Variants in COL22A1 observed in about 807,000 individuals in gnomAD.
COL22A1 encodes the protein collagen type XXII alpha 1 chain.
A neutral mutation model predicts 248.9 loss-of-function variants in COL22A1; 221 were observed. The observed-to-expected ratio is 0.89, with a 90% CI of 0.80 to 0.99. The LOEUF (loss-of-function observed/expected upper bound fraction) is 0.99, where lower values mean the gene tolerates loss of function less well. COL22A1 is among the 50% of genes least tolerant of loss of function. The pLI is 0.00. For synonymous variants in COL22A1, 891 were observed against 793.4 expected (o/e 1.12, Z -2.07); for missense variants, 2,240 against 2,179.0 (o/e 1.03, Z -0.56).
At chr8:138,638,045 T>C (rs566858299) in intron 47 of COL22A1, among the ~76,000 whole-genome samples, 4 of 152,052 alleles carry the variant, frequency 2.6e-5, no homozygotes, top group African/African-American at 9.6e-5. Flanking sequence ...ATCCTCATCA[T>C]CATCATTGTC....
rs115499018 is a variant in COL22A1 at position 138,594,192 on chromosome 8, G to A, written c.4440C>T (p.Leu1480=). 2,382 of 1,570,778 alleles carry A rather than the reference G, an allele frequency of 1.5e-3. 33 individuals carry two copies. The African/African-American group carries it at 0.027, about 18-fold the overall frequency. ...EELGKQLETR[L]AYLLAQMPPA... is the part of the protein sequence containing the mutation. Reference sequence around the variant, plus strand: ...GGGGCATCTGGGCCAGGAGGTAGGCGAGTCTGGCTGTAAAGTAGAAAAAGA... The same window carrying A: ...GGGGCATCTGGGCCAGGAGGTAGGCAAGTCTGGCTGTAAAGTAGAAAAAGA... The change falls in exon 63 of 65, where the codon CTC becomes CTT. Residue 1480 remains leucine (L), a synonymous_variant. Coordinates refer to ENST00000303045, the MANE Select transcript of COL22A1 (RefSeq NM_152888.3).
At chr8:138,721,696 C>A (rs917551151) in intron 26 of COL22A1, among the ~76,000 whole-genome samples, 4 of 152,174 alleles carry the variant, frequency 2.6e-5, no homozygotes, top group Admixed American at 2.0e-4. Flanking sequence ...TGGGCTCAAG[C>A]AATCCTCCCA....
In COL22A1 at chr8:138,589,258, G is replaced by T. The variant is rs1372303930; in HGVS notation, c.4876C>A (p.Pro1626Thr). 6.2e-7 allele frequency: 1 copy of T among 1,613,650 alleles called. No homozygotes were observed. The change falls in exon 65 of 65, where the codon CCC becomes ACC. Residue 1626 changes from proline (P) to threonine (T), a missense_variant. Coordinates refer to ENST00000303045, the MANE Select transcript of COL22A1 (RefSeq NM_152888.3). ...TTCTGGCTTTCCAGAGTCCTTTAGGGACCCTTCACATTACCCGGCCGGGCA... is the reference window on the plus strand; with the variant it reads ...TTCTGGCTTTCCAGAGTCCTTTAGGTACCCTTCACATTACCCGGCCGGGCA... ...LAARPGNVKG[P>T]
intron 23 of COL22A1, among the ~76,000 whole-genome samples, chr8:138,727,637 T>C (rs1830416700): frequency 6.6e-6 from 1 of 152,120 alleles, no homozygotes; most frequent in African/African-American, 2.4e-5. Context: ...GGGGCACCCG[T>C]GAGTCAGAAA....
intron 1 of COL22A1, among the ~76,000 whole-genome samples, chr8:138,889,604 C>T (rs748305486): frequency 9.2e-5 from 14 of 152,118 alleles, no homozygotes; most frequent in Non-Finnish European, 1.9e-4. Context: ...AGGAGATATA[C>T]CTAATGCTAA....
At chr8:138,868,009 C>T (rs1823033742) in intron 3 of COL22A1, among the ~76,000 whole-genome samples, 1 of 152,180 alleles carries the variant, frequency 6.6e-6, no homozygotes, top group African/African-American at 2.4e-5. Flanking sequence ...GTGATCTGCC[C>T]ACCTTAGCCT....
intron 14 of COL22A1, 108 bp downstream of exon 14, chr8:138,779,401 G>T: frequency 1.4e-6 from 1 of 703,856 alleles, no homozygotes; most frequent in South Asian, 1.7e-5. Flanking sequence ...ATGAGAAGAG[G>T]GGCAGGGAAC....
At chr8:138,759,986 AATATT>A (rs1173640005) in intron 18 of COL22A1, among the ~76,000 whole-genome samples, 2 of 151,724 alleles carry the variant, frequency 1.3e-5, no homozygotes, top group Admixed American at 6.6e-5. Flanking sequence ...ACTTTATATA[AATATT>A]ATATATTATA....
In COL22A1 at chr8:138,716,640, C is replaced by A. The variant is rs557833870; in HGVS notation, c.2400+185G>T. Among the ~76,000 whole-genome samples, 4 of 152,272 alleles carry A rather than the reference C, an allele frequency of 2.6e-5. No individual in the cohort carries two copies. The East Asian group carries it at 7.7e-4, about 29-fold the overall frequency. On this transcript the variant is annotated intron_variant, in intron 28 of 64. Coordinates refer to ENST00000303045, the MANE Select transcript of COL22A1 (RefSeq NM_152888.3). ...GAAGCCCTCTCCTATGCCCCCAACA[C>A]CTGCAGGCCACCACTCGTGACATCT...
At chr8:138,902,705 CAA>C (rs1272959063) in intron 1 of COL22A1, among the ~76,000 whole-genome samples, 2 of 118,168 alleles carry the variant, frequency 1.7e-5, no homozygotes, top group African/African-American at 3.3e-5. Flanking sequence ...GACTCCGTCT[CAA>C]AAAAAAAAAA....
At chr8:138,758,791 T>G (rs1227838564) in intron 18 of COL22A1, among the ~76,000 whole-genome samples, 1 of 152,168 alleles carries the variant, frequency 6.6e-6, no homozygotes, top group African/African-American at 2.4e-5. Flanking sequence ...TCCTTGACCT[T>G]CTCCTCCCAT....
intron 3 of COL22A1, among the ~76,000 whole-genome samples, chr8:138,850,284 GGAGA>G (rs1821534077): frequency 1.3e-5 from 2 of 152,232 alleles, no homozygotes; most frequent in Non-Finnish European, 2.9e-5. Context: ...CCTTTAGGCA[GGAGA>G]GAGGGCATGG....
chr8:138,850,204 A>C (rs1000685942), intron 3 of COL22A1, among the ~76,000 whole-genome samples: 1 of 152,228 alleles, frequency 6.6e-6, no homozygotes, highest in African/African-American at 2.4e-5. Flanking sequence ...TCTAGGCCAG[A>C]GTGTATCAGC....
At chr8:138,756,895 C>T (rs549292703) in intron 18 of COL22A1, among the ~76,000 whole-genome samples, 58 of 152,262 alleles carry the variant, frequency 3.8e-4, no homozygotes, top group African/African-American at 1.2e-3. Flanking sequence ...CTAAAAATCC[C>T]GATCCATCAT....
chr8:138,722,242 G>T, intron 25 of COL22A1, 153 bp from the exon 26 acceptor site: 1 of 625,302 alleles, frequency 1.6e-6, no homozygotes, highest in Non-Finnish European at 2.9e-6. Context: ...TCTCCAGAGC[G>T]ACTGTGGTCT....
chr8:138,646,369 G>A (rs891127220), intron 47 of COL22A1, among the ~76,000 whole-genome samples: 3 of 152,138 alleles, frequency 2.0e-5, no homozygotes, highest in Non-Finnish European at 4.4e-5. Flanking sequence ...TTAACCAGTA[G>A]GTCCCACACA....
chr8:138,641,414 T>C (rs1010147035), intron 47 of COL22A1, among the ~76,000 whole-genome samples: 1 of 152,144 alleles, frequency 6.6e-6, no homozygotes, highest in African/African-American at 2.4e-5. Flanking sequence ...GGGGACAGAA[T>C]AGTCATCATT....
At chr8:138,735,897 G>A (rs2131244978) in intron 23 of COL22A1, among the ~76,000 whole-genome samples, 1 of 152,310 alleles carries the variant, frequency 6.6e-6, no homozygotes, top group African/African-American at 2.4e-5. Context: ...ACGAGGGACG[G>A]ACAGTGTGAC....
intron 1 of COL22A1, among the ~76,000 whole-genome samples, chr8:138,899,352 G>C (rs910456795): frequency 3.9e-5 from 6 of 152,068 alleles, no homozygotes; most frequent in Admixed American, 1.3e-4. Context: ...CCTTTAAAGG[G>C]GGACATGATG....
Sources: gnomAD v4.1 joint callset for allele counts (sites outside exome capture counted in the v4.1 genomes callset) on GRCh38, gnomAD v4.1.1 for gene constraint, MANE v1.5 for transcripts, NCBI Gene and HGNC (gene_info 2026-07-23, HGNC 2026-07-21) for gene names.